Variants in CCDC18 observed in about 807,000 individuals in gnomAD.
CCDC18 encodes coiled-coil domain-containing protein 18.
A neutral mutation model predicts 196.0 loss-of-function variants in CCDC18; 157 were observed. That is an observed-to-expected ratio of 0.80 (90% confidence interval 0.70 to 0.91). CCDC18 has a LOEUF of 0.91. CCDC18 is among the 40% of genes least tolerant of loss of function. The pLI is 0.00. For synonymous variants in CCDC18, 482 were observed against 529.2 expected (o/e 0.91, Z 1.22); for missense variants, 1,465 against 1,611.6 (o/e 0.91, Z 1.56).
upstream of CCDC18, chr1:93,180,682 G>T (rs1176481187): frequency 7.4e-7 from 1 of 1,342,900 alleles, no homozygotes. Context: ...GCGCCGGGGC[G>T]GGGCAGTGAC....
intron 6 of CCDC18, 152 bp from the exon 7 acceptor site, chr1:93,201,740 T>G (rs893378878): frequency 4.5e-6 from 2 of 441,472 alleles, no homozygotes; most frequent in African/African-American, 4.1e-5. Context: ...TCTACATTCT[T>G]CATTTTATAC....
At chr1:93,242,351 A>C (rs1219359189) in intron 21 of CCDC18, among the ~76,000 whole-genome samples, 2 of 151,450 alleles carry the variant, frequency 1.3e-5, no homozygotes, top group Non-Finnish European at 2.9e-5. Context: ...GCGCAGGGAA[A>C]CTCCGCTTTA....
intron 6 of CCDC18, among the ~76,000 whole-genome samples, chr1:93,197,364 A>G (rs1461353949): frequency 6.6e-6 from 1 of 152,198 alleles, no homozygotes; most frequent in Non-Finnish European, 1.5e-5. Flanking sequence ...TAAATCGGTA[A>G]GCAATAAGAA....
chr1:93,243,279 A>G (rs1661066222), intron 21 of CCDC18, among the ~76,000 whole-genome samples: 1 of 152,238 alleles, frequency 6.6e-6, no homozygotes, highest in Non-Finnish European at 1.5e-5. Flanking sequence ...CAGATTCAAC[A>G]TTGGGTAGAA....
chr1:93,270,748 A>G lies in CCDC18; in HGVS notation c.4287A>G (p.Arg1429=). The part of the protein sequence containing the change: ...NDFNTLSGML[R]YINKEVRLLK... ...TTAACACGCTTAGTGGGATGCTAAG[A>G]TACATAAACAAAGAAGTAAGACTAT... Residue 1429 remains arginine (R), a synonymous_variant, in exon 28 of 29, where the codon AGA becomes AGG. Transcript: ENST00000690025. 6.5e-7 allele frequency: 1 copy of G among 1,548,846 alleles called. No homozygotes were observed. The highest frequency in any genetic ancestry group is 8.7e-7 in the Non-Finnish European group (1 of 1,146,468).
rs182138305 is a variant in CCDC18 at position 93,258,018 on chromosome 1, T to C, written c.3547-730T>C. 3.6e-3 allele frequency among the ~76,000 whole-genome samples: 549 copies of C among 151,686 alleles called. 6 individuals are homozygous for C. Among genetic ancestry groups the C allele is most frequent in the Non-Finnish European group, 4.0e-3 (274 of 67,834 alleles). On this transcript the variant is annotated intron_variant, in intron 25 of 28. Transcript: ENST00000690025. ...TTCCATCATCTATAGTTTCCAATTC[T>C]GCTTTCTTTAAAGTGGAGGAAGAAT... is the stretch of plus-strand genomic sequence containing the variant.
At chr1:93,181,521 G>A (rs1270163066) in intron 1 of CCDC18, among the ~76,000 whole-genome samples, 1 of 152,152 alleles carries the variant, frequency 6.6e-6, no homozygotes, top group African/African-American at 2.4e-5. Context: ...GTAAATTGAA[G>A]TTAAGGACAT....
intron 4 of CCDC18, chr1:93,190,908 C>T: frequency 4.0e-6 from 3 of 751,226 alleles, no homozygotes; most frequent in Admixed American, 1.7e-5. Flanking sequence ...TCTACTTAGT[C>T]TGCCCACCAT....
At chr1:93,216,858 C>G (rs1386898561) in intron 13 of CCDC18, 112 bp downstream of exon 13, 5 of 543,066 alleles carry the variant, frequency 9.2e-6, no homozygotes, top group African/African-American at 4.2e-5. Flanking sequence ...AGTATAAATT[C>G]TACTAAACTC....
intron 12 of CCDC18, among the ~76,000 whole-genome samples, chr1:93,216,210 A>C (rs1482751308): frequency 3.3e-5 from 5 of 152,366 alleles, no homozygotes; most frequent in South Asian, 2.1e-4. Context: ...CAGTCTTGTT[A>C]ATATAAAAGG....
intron 28 of CCDC18, among the ~76,000 whole-genome samples, chr1:93,276,506 T>G (rs1665628285): frequency 6.6e-6 from 1 of 152,180 alleles, no homozygotes; most frequent in Non-Finnish European, 1.5e-5. Flanking sequence ...ATTTCTCTTA[T>G]TTGTAAGTAG....
At chr1:93,271,666 C>CA (rs1309647308) in intron 28 of CCDC18, 9 of 429,040 alleles carry the variant, frequency 2.1e-5, no homozygotes, top group South Asian at 9.9e-5. Context: ...GACCCCATCT[C>CA]AAAAAAAATT....
At chr1:93,197,962 A>G (rs1653055031) in intron 6 of CCDC18, among the ~76,000 whole-genome samples, 1 of 152,008 alleles carries the variant, frequency 6.6e-6, no homozygotes, top group African/African-American at 2.4e-5. Flanking sequence ...CATGTTAGCC[A>G]GGATGATCTC....
chr1:93,243,814 C>T lies in CCDC18; in HGVS notation c.2982-2291C>T, dbSNP rs558072900. ...TCCTCATTTCTCTCCAAGACCACCTCATTCTGGACTTTATTGTCCATATTG... is the reference window on the plus strand; with the variant it reads ...TCCTCATTTCTCTCCAAGACCACCTTATTCTGGACTTTATTGTCCATATTG... On this transcript the variant is annotated intron_variant, in intron 21 of 28. Coordinates refer to ENST00000690025, the MANE Select transcript of CCDC18 (RefSeq NM_001378204.1). 1.2e-4 allele frequency among the ~76,000 whole-genome samples: 19 copies of T among 152,342 alleles called. No homozygotes were observed. The South Asian group carries it at 3.3e-3, about 27-fold the overall frequency.
rs755481951 is a variant in CCDC18 at position 93,278,505 on chromosome 1, A to T, written c.*28A>T. 7.9e-7 allele frequency: 1 copy of T among 1,262,130 alleles called. No homozygotes were observed. Among genetic ancestry groups the T allele is most frequent in the Admixed American group, 2.5e-5 (1 of 40,126 alleles). 78.2% of individuals were successfully genotyped at this position (1,262,130 alleles called of 1,614,324 possible). A position where few individuals can be genotyped will look rare whatever the true frequency, so the allele number is the denominator to read the frequency against. ...CAAAGAAGATACTGATGTGTTGAAA[A>T]AATGGAATTTTTGGTACTGTGCTGT... On this transcript the variant is annotated 3_prime_UTR_variant, in exon 29 of 29. Coordinates refer to ENST00000690025, the MANE Select transcript of CCDC18 (RefSeq NM_001378204.1).
chr1:93,218,025 T>C (rs762698962), intron 14 of CCDC18, among the ~76,000 whole-genome samples, 156 bp downstream of exon 14: 1 of 152,228 alleles, frequency 6.6e-6, no homozygotes, highest in Non-Finnish European at 1.5e-5. Context: ...AATTTTTCAG[T>C]GCTTTAACAG....
intron 3 of CCDC18, among the ~76,000 whole-genome samples, chr1:93,185,031 T>C (rs892673372): frequency 6.6e-6 from 1 of 151,824 alleles, no homozygotes; most frequent in Non-Finnish European, 1.5e-5. Flanking sequence ...AAAGATCTCC[T>C]AGAAATTGAG....
chr1:93,264,808 A>G lies in CCDC18; in HGVS notation c.3792A>G (p.Leu1264=). 3 of 1,613,500 alleles carry G rather than the reference A, an allele frequency of 1.9e-6. No individual in the cohort carries two copies. The South Asian group carries it at 3.3e-5, about 18-fold the overall frequency. The change falls in exon 27 of 29, where the codon TTA becomes TTG. Residue 1264 remains leucine (L), a synonymous_variant. Transcript: ENST00000690025. ...AGTTAGAGAAGGCAAAATTGGAATTAGAAGAAGCTCAGGATACTGTAAGCA... is the reference window on the plus strand; with the variant it reads ...AGTTAGAGAAGGCAAAATTGGAATTGGAAGAAGCTCAGGATACTGTAAGCA... ...NEQLEKAKLE[L]EEAQDTVSNL...
chr1:93,201,806 C>T, intron 6 of CCDC18, 86 bp from the exon 7 acceptor site: 4 of 785,194 alleles, frequency 5.1e-6, no homozygotes, highest in Admixed American at 3.3e-5. Flanking sequence ...CCAATTATTC[C>T]TTATAATTAA....
Sources: allele counts gnomAD v4.1 joint callset (sites outside exome capture counted in the v4.1 genomes callset), GRCh38; gene constraint gnomAD v4.1.1; transcripts MANE v1.5; gene names NCBI Gene and HGNC (gene_info 2026-07-23, HGNC 2026-07-21).